SLC30A7: variants seen among roughly 807,000 people sequenced by gnomAD.
SLC30A7 encodes the protein solute carrier family 30 member 7.
In SLC30A7, 35 loss-of-function variants were observed where a neutral mutation model predicts 46.0. The ratio of observed to expected loss-of-function variants is 0.76; its 90% CI spans 0.58 to 1.01. The LOEUF is 1.01. SLC30A7 is among the 50% of genes least tolerant of loss of function. The pLI, the probability that SLC30A7 is intolerant of heterozygous loss-of-function variation, is 0.00. For missense variants in SLC30A7, 464 were observed against 451.1 expected (o/e 1.03, Z -0.26); for synonymous variants, 147 against 157.8 (o/e 0.93, Z 0.51).
chr1:100,940,730 G>A (rs1654289423), intron 8 of SLC30A7, among the ~76,000 whole-genome samples: 1 of 152,152 alleles, frequency 6.6e-6, no homozygotes, highest in Non-Finnish European at 1.5e-5. Context: ...CAGCATGGAT[G>A]CAAAAAATAA....
At chr1:100,950,995 G>A (rs1318989324) in intron 8 of SLC30A7, among the ~76,000 whole-genome samples, 1 of 152,170 alleles carries the variant, frequency 6.6e-6, no homozygotes, top group African/African-American at 2.4e-5. Context: ...AGTAACTCGG[G>A]GAGCCAGCGT....
At chr1:100,971,333 A>G (rs373675606) in intron 10 of SLC30A7, among the ~76,000 whole-genome samples, 32 of 152,104 alleles carry the variant, frequency 2.1e-4, no homozygotes, top group African/African-American at 7.5e-4. Flanking sequence ...CTTTTGGTCA[A>G]GGGCTTTAAT....
chr1:100,896,141 C>G lies in SLC30A7; in HGVS notation c.-122C>G, dbSNP rs1052714568. ...GTCTGTGTCTGTCTGTGTCTCGCAGCGGCGCGCGGCCCCGGACAAGCGCTG... is the reference window on the plus strand; with the variant it reads ...GTCTGTGTCTGTCTGTGTCTCGCAGGGGCGCGCGGCCCCGGACAAGCGCTG... On this transcript the variant is annotated 5_prime_UTR_variant, in exon 1 of 11. Coordinates refer to ENST00000357650, the MANE Select transcript of SLC30A7 (RefSeq NM_133496.5). The G allele has an allele frequency of 2.4e-6, 2 of 822,758 alleles. No individual in the cohort carries two copies. Among genetic ancestry groups the G allele is most frequent in the Non-Finnish European group, 4.1e-6 (2 of 487,048 alleles). The allele number at this position is 822,758 out of a possible 1,614,324, so 51.0% of individuals were successfully genotyped here. A position where few individuals can be genotyped will look rare whatever the true frequency, so the allele number is the denominator to read the frequency against.
Position 100,919,741 on chromosome 1 carries a change from T to C in SLC30A7, c.706+1614T>C, listed in dbSNP as rs554616203. On this transcript the variant is annotated intron_variant, in intron 7 of 10. Transcript: ENST00000357650. Reference sequence around the variant, plus strand: ...AAAATAAATTTATATTTTCTGAATATTTATCAATTTATGGTGGCTGAAGAG... The same window carrying C: ...AAAATAAATTTATATTTTCTGAATACTTATCAATTTATGGTGGCTGAAGAG... Among the ~76,000 whole-genome samples the C allele has an allele frequency of 4.6e-5, 7 of 152,262 alleles. No individual in the cohort carries two copies. The East Asian group carries it at 1.3e-3, about 29-fold the overall frequency.
chr1:100,968,253 G>T (rs1655967293), intron 10 of SLC30A7, among the ~76,000 whole-genome samples: 1 of 152,088 alleles, frequency 6.6e-6, no homozygotes, highest in African/African-American at 2.4e-5. Flanking sequence ...CTGAGGTCAG[G>T]AGTTTAAGAT....
chr1:100,948,847 A>G (rs1004082113), intron 8 of SLC30A7, among the ~76,000 whole-genome samples: 16 of 152,184 alleles, frequency 1.1e-4, no homozygotes, highest in Non-Finnish European at 2.1e-4. Flanking sequence ...AAGCTTGTGC[A>G]TGCGTCATGA....
In SLC30A7 at chr1:100,896,323, A is replaced by C. The variant is rs1233270343; in HGVS notation, c.61A>C (p.Lys21Gln). 6.2e-7 allele frequency: 1 copy of C among 1,614,164 alleles called. No individual in the cohort carries two copies. The highest frequency in any genetic ancestry group is 1.1e-5 in the South Asian group (1 of 91,084). Residue 21 changes from lysine (K) to glutamine (Q), a missense_variant, in exon 1 of 11, where the codon AAG (lysine) becomes CAG (glutamine). Transcript: ENST00000357650. ...ACCACCCAAGTTCAATTTGTTCGGC[A>C]AGATCTCGGGCTGGTTTAGGTGCGG... is the stretch of plus-strand genomic sequence containing the variant. ...YKPPKFNLFGKISGWFRSILS... is the reference protein window; with the variant it reads ...YKPPKFNLFGQISGWFRSILS...
intron 8 of SLC30A7, among the ~76,000 whole-genome samples, chr1:100,930,192 A>G (rs1032033171): frequency 6.6e-6 from 1 of 152,072 alleles, no homozygotes; most frequent in Non-Finnish European, 1.5e-5. Context: ...ACCAGTTACC[A>G]TCTTGTGGTG....
intron 6 of SLC30A7, among the ~76,000 whole-genome samples, chr1:100,916,132 AT>A (rs1413941635): frequency 6.6e-6 from 1 of 151,212 alleles, no homozygotes; most frequent in South Asian, 2.1e-4. Context: ...TTTTTAATAA[AT>A]TTTTTTATTT....
At chr1:100,961,183 G>C (rs552519478) in intron 8 of SLC30A7, among the ~76,000 whole-genome samples, 1 of 151,374 alleles carries the variant, frequency 6.6e-6, no homozygotes, top group African/African-American at 2.4e-5. Flanking sequence ...GGATGGTCTC[G>C]ATATCCTGAC....
chr1:100,932,329 C>T (rs11166533), intron 8 of SLC30A7, among the ~76,000 whole-genome samples: 5,045 of 152,104 alleles, frequency 0.033, 117 homozygotes, highest in Non-Finnish European at 0.051. Context: ...GCAGGAGAAT[C>T]GCTTGAACCT....
chr1:100,930,230 T>C (rs1011100381), intron 8 of SLC30A7, among the ~76,000 whole-genome samples: 5 of 152,060 alleles, frequency 3.3e-5, no homozygotes, highest in South Asian at 2.1e-4. Flanking sequence ...CATATATATA[T>C]ACATACCACA....
chr1:100,965,994 G>A, intron 10 of SLC30A7, 76 bp downstream of exon 10: 1 of 1,304,508 alleles, frequency 7.7e-7, no homozygotes, highest in East Asian at 2.3e-5. Context: ...TATTTACAAG[G>A]CCAATGTGAG....
rs1377542394 is a variant in SLC30A7 at position 100,976,209 on chromosome 1, G to GA, written c.*1357dup. The GA allele has an allele frequency of 4.6e-5, 7 of 152,148 alleles. No individual in the cohort carries two copies. The highest frequency in any genetic ancestry group is 7.2e-5 in the African/African-American group (3 of 41,440). The allele number at this position is 152,148 out of a possible 1,614,324, so 9.4% of individuals were successfully genotyped here. ...CATTTCTATGGATTTTATAATGAAA[G>GA]AAAAAGGCATTGGAGACTGAAGGCA... On this transcript the variant is annotated 3_prime_UTR_variant, in exon 11 of 11. Transcript: ENST00000357650.
chr1:100,995,034 A>G, the SLC30A7 span: 17 of 1,024,992 alleles, frequency 1.7e-5, no homozygotes, highest in Admixed American at 9.7e-5. Flanking sequence ...TTTAGAACTC[A>G]GGTCATTTAA....
At chr1:100,948,468 C>G (rs1207124007) in intron 8 of SLC30A7, among the ~76,000 whole-genome samples, 1 of 152,138 alleles carries the variant, frequency 6.6e-6, no homozygotes, top group Non-Finnish European at 1.5e-5. Flanking sequence ...TCTGGCTGCC[C>G]TTAACATTTT....
intron 8 of SLC30A7, among the ~76,000 whole-genome samples, chr1:100,938,916 T>G (rs903800973): frequency 3.3e-5 from 5 of 152,146 alleles, no homozygotes; most frequent in Admixed American, 6.5e-5. Flanking sequence ...TGCACCCAGG[T>G]AGAGAGAGTA....
chr1:100,927,124 C>T lies in SLC30A7; in HGVS notation c.842+5283C>T, dbSNP rs527580513. Among the ~76,000 whole-genome samples the T allele has an allele frequency of 2.0e-4, 31 of 152,216 alleles. No homozygotes were observed. In the South Asian group the frequency reaches 6.0e-3, roughly 30 times the overall value. On this transcript the variant is annotated intron_variant, in intron 8 of 10. Transcript: ENST00000357650. Reference sequence around the variant, plus strand: ...GATACATGTTTATATATCTGCATCTCTAGAGTTCAGGGAGCAGGTTGGGGT... The same window carrying T: ...GATACATGTTTATATATCTGCATCTTTAGAGTTCAGGGAGCAGGTTGGGGT...
At chr1:100,948,483 C>T (rs1654770925) in intron 8 of SLC30A7, among the ~76,000 whole-genome samples, 1 of 152,068 alleles carries the variant, frequency 6.6e-6, no homozygotes, top group Admixed American at 6.5e-5. Flanking sequence ...CATTTTTTTC[C>T]TGCATTTCAA....
Sources: gnomAD v4.1 joint callset for allele counts (sites outside exome capture counted in the v4.1 genomes callset) on GRCh38, gnomAD v4.1.1 for gene constraint, MANE v1.5 for transcripts, NCBI Gene and HGNC (gene_info 2026-07-23, HGNC 2026-07-21) for gene names.